Variants in CFAP299 observed in about 807,000 individuals in gnomAD.
CFAP299 encodes the protein cilia and flagella associated protein 299.
In CFAP299, 21 loss-of-function variants were observed where a neutral mutation model predicts 27.0. That is an observed-to-expected ratio of 0.78 (90% CI 0.55 to 1.12). CFAP299 has a LOEUF of 1.12. Ranked by LOEUF, CFAP299 falls within the 50% of genes most tolerant of loss-of-function variation. The probability of loss-of-function intolerance (pLI) is 0.00; values close to 1 mark genes in which losing one functional copy is unlikely to be tolerated. For missense variants in CFAP299, 310 were observed against 276.6 expected (o/e 1.12, Z -0.86); for synonymous variants, 104 against 98.1 (o/e 1.06, Z -0.36).
At chr4:80,856,546 T>G (rs1472409014) in intron 3 of CFAP299, among the ~76,000 whole-genome samples, 2 of 151,906 alleles carry the variant, frequency 1.3e-5, no homozygotes, top group Admixed American at 6.6e-5. Flanking sequence ...GGTCTAACGT[T>G]TAAGTCTTTA....
At chr4:80,629,110 A>G (rs752556436) in intron 3 of CFAP299, among the ~76,000 whole-genome samples, 5 of 152,192 alleles carry the variant, frequency 3.3e-5, no homozygotes, top group Admixed American at 6.5e-5. Context: ...ATGTGGACAC[A>G]ATGGAATACT....
At chr4:80,945,024 G>C (rs1737401963) in intron 5 of CFAP299, 85 bp downstream of exon 5, 1 of 1,302,640 alleles carries the variant, frequency 7.7e-7, no homozygotes, top group African/African-American at 1.5e-5. Context: ...TTAAATATTT[G>C]ACACTCTTAA....
In CFAP299 at chr4:80,633,078, CTT is replaced by C. The variant is rs537346024; in HGVS notation, c.333+49896_333+49897del. On this transcript the variant is annotated intron_variant, in intron 3 of 5. Coordinates refer to ENST00000358105, the MANE Select transcript of CFAP299 (RefSeq NM_152770.3). ...TGCCTTTTAAAAATTAAATTTCTAT[CTT>C]ATCACCATAATTTCTTCTTACAAGT... 9.3e-4 allele frequency among the ~76,000 whole-genome samples: 141 copies of C among 152,286 alleles called. No homozygotes were observed. The Middle Eastern group carries it at 0.014, about 15-fold the overall frequency.
At chr4:80,652,808 TA>T (rs1221100586) in intron 3 of CFAP299, among the ~76,000 whole-genome samples, 3 of 152,030 alleles carry the variant, frequency 2.0e-5, no homozygotes, top group Non-Finnish European at 4.4e-5. Flanking sequence ...TCTGAAGAAA[TA>T]TCCTAGGGAA....
intron 2 of CFAP299, among the ~76,000 whole-genome samples, chr4:80,382,587 G>A (rs1724761098): frequency 6.6e-6 from 1 of 152,098 alleles, no homozygotes. Context: ...ATGAAAAAAG[G>A]CTCATATCAC....
At chr4:80,721,885 TAAAG>T (rs1722838392) in intron 3 of CFAP299, among the ~76,000 whole-genome samples, 1 of 152,010 alleles carries the variant, frequency 6.6e-6, no homozygotes, top group South Asian at 2.1e-4. Flanking sequence ...AAAGACAAAA[TAAAG>T]ATTTTGTCAA....
At chr4:80,822,036 A>C (rs1184409901) in intron 3 of CFAP299, among the ~76,000 whole-genome samples, 2 of 152,188 alleles carry the variant, frequency 1.3e-5, no homozygotes, top group African/African-American at 4.8e-5. Context: ...CTCTGTAGGT[A>C]GTCATCCCCT....
intron 2 of CFAP299, among the ~76,000 whole-genome samples, chr4:80,457,378 T>G (rs189370867): frequency 8.5e-5 from 13 of 152,224 alleles, no homozygotes; most frequent in African/African-American, 3.1e-4. Flanking sequence ...TAGGTTATCA[T>G]GTTATGTTAT....
intron 3 of CFAP299, among the ~76,000 whole-genome samples, chr4:80,772,748 A>C (rs1726292973): frequency 6.6e-6 from 1 of 151,804 alleles, no homozygotes; most frequent in African/African-American, 2.4e-5. Context: ...GGAGTGTGTT[A>C]TTCCCCTCCC....
At chr4:80,698,237 A>G (rs928159274) in intron 3 of CFAP299, among the ~76,000 whole-genome samples, 17 of 152,218 alleles carry the variant, frequency 1.1e-4, no homozygotes, top group Non-Finnish European at 1.3e-4. Flanking sequence ...AAAGACATTA[A>G]CAGAGTTCCT....
At chr4:80,804,145 G>A (rs1728747743) in intron 3 of CFAP299, among the ~76,000 whole-genome samples, 1 of 152,038 alleles carries the variant, frequency 6.6e-6, no homozygotes, top group East Asian at 1.9e-4. Context: ...ATTGTTTCAA[G>A]GTGAATTTTG....
intron 3 of CFAP299, among the ~76,000 whole-genome samples, chr4:80,720,914 A>G (rs1178796617): frequency 1.3e-5 from 2 of 152,170 alleles, no homozygotes; most frequent in Non-Finnish European, 2.9e-5. Context: ...AAAGAATTGG[A>G]AGATATTTTT....
intron 2 of CFAP299, among the ~76,000 whole-genome samples, chr4:80,566,352 A>G (rs961215972): frequency 2.6e-5 from 4 of 151,728 alleles, no homozygotes; most frequent in African/African-American, 9.7e-5. Flanking sequence ...TCCCTACCCT[A>G]TTTGTACACT....
chr4:80,744,476 A>C (rs759384163), intron 3 of CFAP299, among the ~76,000 whole-genome samples: 16 of 152,134 alleles, frequency 1.1e-4, no homozygotes, highest in Non-Finnish European at 2.1e-4. Context: ...TGAAAAATTC[A>C]TGTACATTTT....
chr4:80,545,657 A>C (rs1220208848), intron 2 of CFAP299, among the ~76,000 whole-genome samples: 1 of 152,270 alleles, frequency 6.6e-6, no homozygotes, highest in African/African-American at 2.4e-5. Flanking sequence ...GGCAAATTCT[A>C]CCAGATTTAC....
chr4:80,963,740 TAGAA>T lies in CFAP299; in HGVS notation c.*134_*137del. On this transcript the variant is annotated 3_prime_UTR_variant, in exon 6 of 6. Coordinates refer to ENST00000358105, the MANE Select transcript of CFAP299 (RefSeq NM_152770.3). ...AGAACAATAAAGTTAATAAAGAAGT[TAGAA>T]AGAAAACTGTAATATTGACTGTCTT... 1.7e-6 allele frequency: 1 copy of T among 596,216 alleles called. No individual in the cohort carries two copies. The highest frequency in any genetic ancestry group is 2.9e-6 in the Non-Finnish European group (1 of 346,010). The allele number at this position is 596,216 out of a possible 1,614,324, so 36.9% of individuals were successfully genotyped here.
At chr4:80,909,465 T>C (rs1466368983) in intron 4 of CFAP299, among the ~76,000 whole-genome samples, 1 of 152,032 alleles carries the variant, frequency 6.6e-6, no homozygotes, top group Non-Finnish European at 1.5e-5. Flanking sequence ...TACATATTAA[T>C]AACATATAAT....
At chr4:80,421,819 A>G (rs1429556891) in intron 2 of CFAP299, among the ~76,000 whole-genome samples, 6 of 152,220 alleles carry the variant, frequency 3.9e-5, no homozygotes, top group Non-Finnish European at 8.8e-5. Flanking sequence ...CAGTGTTATA[A>G]TTCATTTTCT....
chr4:80,449,687 A>G (rs953250618), intron 2 of CFAP299, among the ~76,000 whole-genome samples: 3 of 151,780 alleles, frequency 2.0e-5, no homozygotes, highest in Non-Finnish European at 4.4e-5. Context: ...TTTCCATTTT[A>G]CTATCCATAT....
Sources: gnomAD v4.1 joint callset for allele counts (sites outside exome capture counted in the v4.1 genomes callset) on GRCh38, gnomAD v4.1.1 for gene constraint, MANE v1.5 for transcripts, NCBI Gene and HGNC (gene_info 2026-07-23, HGNC 2026-07-21) for gene names.